SRPK1: variants seen among roughly 807,000 people sequenced by gnomAD.
SRPK1 encodes SRSF protein kinase 1, also known as SFRS protein kinase 1.
SRPK1 carries 52 observed loss-of-function variants against 89.5 expected under a neutral mutation model. The observed-to-expected ratio is 0.58, with a 90% CI of 0.46 to 0.73. SRPK1 has a LOEUF of 0.73. Among genes scored for constraint, SRPK1 ranks in the 30% least tolerant of loss-of-function variants. SRPK1 has a pLI of 0.00. For missense variants in SRPK1, 603 were observed against 780.6 expected (o/e 0.77, Z 2.71); for synonymous variants, 255 against 270.2 (o/e 0.94, Z 0.55).
At chr6:35,843,693 C>A (rs906446522) in intron 13 of SRPK1, among the ~76,000 whole-genome samples, 5 of 152,132 alleles carry the variant, frequency 3.3e-5, no homozygotes, top group Admixed American at 3.3e-4. Context: ...TCATGATCCA[C>A]CCGCCTCTGC....
intron 12 of SRPK1, among the ~76,000 whole-genome samples, chr6:35,858,758 A>T (rs1337389663): frequency 6.6e-6 from 1 of 152,140 alleles, no homozygotes; most frequent in African/African-American, 2.4e-5. Flanking sequence ...AAGATAGGAG[A>T]CACGGAAAAC....
At chr6:35,864,654 A>G (rs2127240767) in intron 12 of SRPK1, among the ~76,000 whole-genome samples, 1 of 152,358 alleles carries the variant, frequency 6.6e-6, no homozygotes, top group East Asian at 1.9e-4. Context: ...TCAGAAAACT[A>G]GAGCTACCAT....
chr6:35,840,737 G>A (rs1186847435), intron 14 of SRPK1, among the ~76,000 whole-genome samples: 3 of 152,140 alleles, frequency 2.0e-5, no homozygotes, highest in African/African-American at 2.4e-5. Context: ...ACCACGACTC[G>A]TAACAAACTA....
At chr6:35,846,723 A>T (rs561238209) in intron 13 of SRPK1, among the ~76,000 whole-genome samples, 30 of 152,282 alleles carry the variant, frequency 2.0e-4, no homozygotes, top group Admixed American at 9.8e-4. Context: ...AATATAACCT[A>T]CAAAGATTGA....
chr6:35,879,022 C>T (rs1319204363), intron 6 of SRPK1, among the ~76,000 whole-genome samples: 3 of 151,156 alleles, frequency 2.0e-5, no homozygotes, highest in Non-Finnish European at 3.0e-5. Context: ...ACCCAGGAGG[C>T]GGAGGTTGCA....
Position 35,857,357 on chromosome 6 carries a change from G to A in SRPK1, c.1524C>T (p.Phe508=). ...ATTGCCTTGTTTGAATATCTTCAGT[G>A]AAATGTTTGTGCTGAGAAAATGAAG... The part of the protein sequence containing the change: ...LGNACWVHKH[F]TEDIQTRQYR... The change falls in exon 13 of 16, where the codon TTC becomes TTT. Residue 508 remains phenylalanine (F), a synonymous_variant. Coordinates refer to ENST00000373825, the MANE Select transcript of SRPK1 (RefSeq NM_003137.5). 6.8e-6 allele frequency: 11 copies of A among 1,608,494 alleles called. No individual in the cohort carries two copies. Among genetic ancestry groups the A allele is most frequent in the Non-Finnish European group, 9.3e-6 (11 of 1,177,040 alleles).
At chr6:35,836,556 C>G (rs1769183048) in intron 15 of SRPK1, among the ~76,000 whole-genome samples, 1 of 151,894 alleles carries the variant, frequency 6.6e-6, no homozygotes, top group Non-Finnish European at 1.5e-5. Flanking sequence ...AGTTCAAGAC[C>G]AGCCTGGGCA....
At chr6:35,918,521 G>T (rs1243407776) in intron 2 of SRPK1, among the ~76,000 whole-genome samples, 1 of 151,934 alleles carries the variant, frequency 6.6e-6, no homozygotes, top group African/African-American at 2.4e-5. Flanking sequence ...AGAAAAAAAA[G>T]GTAGGTAAAT....
chr6:35,873,535 G>C (rs1770082294), intron 7 of SRPK1, among the ~76,000 whole-genome samples: 1 of 151,550 alleles, frequency 6.6e-6, no homozygotes, highest in African/African-American at 2.4e-5. Context: ...TGTCGCCCAG[G>C]CTGGAGCGCG....
intron 12 of SRPK1, among the ~76,000 whole-genome samples, chr6:35,866,728 T>C (rs1273490886): frequency 6.6e-6 from 1 of 152,218 alleles, no homozygotes; most frequent in Non-Finnish European, 1.5e-5. Context: ...CCTATACTTG[T>C]ATGTTTATCA....
intron 7 of SRPK1, among the ~76,000 whole-genome samples, chr6:35,873,582 C>G (rs1033853654): frequency 5.3e-5 from 8 of 150,432 alleles, no homozygotes; most frequent in Admixed American, 1.3e-4. Flanking sequence ...CTCCGCCTCC[C>G]GGGTTCAAGC....
intron 6 of SRPK1, among the ~76,000 whole-genome samples, chr6:35,878,682 T>C (rs969300328): frequency 6.6e-6 from 1 of 152,196 alleles, no homozygotes; most frequent in Non-Finnish European, 1.5e-5. Flanking sequence ...CCCCCTCCAT[T>C]GTTTTAAGCC....
chr6:35,887,789 G>GTT, intron 5 of SRPK1: 1 of 344,674 alleles, frequency 2.9e-6, no homozygotes, highest in Non-Finnish European at 5.2e-6. Flanking sequence ...CATTTGAAAG[G>GTT]TTTTTTTTTG....
Position 35,847,005 on chromosome 6 carries a change from A to G in SRPK1, c.1621-4401T>C, listed in dbSNP as rs372262287. Among the ~76,000 whole-genome samples the G allele has an allele frequency of 1.1e-4, 17 of 152,362 alleles. No homozygotes were observed. In the East Asian group the frequency reaches 2.7e-3, roughly 24 times the overall value. ...TTAGGTATAGAAGGAATGTACCTCA[A>G]CACAATAAAGGCCATATTTAAGAAG... On this transcript the variant is annotated intron_variant, in intron 13 of 15. Transcript: ENST00000373825.
At chr6:35,846,083 G>A (rs1457927116) in intron 13 of SRPK1, among the ~76,000 whole-genome samples, 5 of 152,080 alleles carry the variant, frequency 3.3e-5, no homozygotes, top group Non-Finnish European at 7.3e-5. Flanking sequence ...AGGGAAACAC[G>A]GAGTTTTTCT....
At chr6:35,867,419 C>G (rs1769929645) in intron 12 of SRPK1, among the ~76,000 whole-genome samples, 1 of 152,160 alleles carries the variant, frequency 6.6e-6, no homozygotes, top group Non-Finnish European at 1.5e-5. Flanking sequence ...AAGTAAGATC[C>G]TTCTGAGGTC....
intron 2 of SRPK1, among the ~76,000 whole-genome samples, chr6:35,916,995 G>A (rs1771118226): frequency 1.3e-5 from 2 of 152,192 alleles, no homozygotes; most frequent in South Asian, 4.1e-4. Context: ...GGGAGGCAGA[G>A]GTTGCAGTGA....
chr6:35,906,922 T>C (rs1299299267), intron 2 of SRPK1, among the ~76,000 whole-genome samples: 2 of 152,216 alleles, frequency 1.3e-5, no homozygotes, highest in Non-Finnish European at 2.9e-5. Context: ...TGGAGCATGC[T>C]AGGGATCTGT....
intron 2 of SRPK1, 81 bp downstream of exon 2, chr6:35,920,387 G>C: frequency 1.3e-6 from 2 of 1,525,428 alleles, no homozygotes; most frequent in South Asian, 2.2e-5. Context: ...CAAACCCGGT[G>C]CACGTTCAAG....
Sources: allele counts gnomAD v4.1 joint callset (sites outside exome capture counted in the v4.1 genomes callset), GRCh38; gene constraint gnomAD v4.1.1; transcripts MANE v1.5; gene names NCBI Gene and HGNC (gene_info 2026-07-23, HGNC 2026-07-21).